Variants in CABIN1 observed in about 807,000 individuals in gnomAD.
The protein encoded by CABIN1 is calcineurin-binding protein cabin-1.
A neutral mutation model predicts 227.7 loss-of-function variants in CABIN1; 133 were observed. The ratio of observed to expected loss-of-function variants is 0.58; its 90% CI spans 0.51 to 0.67. The LOEUF is 0.67. Ranked by LOEUF, CABIN1 falls within the 30% of genes least tolerant of loss-of-function variation. The pLI, the probability that CABIN1 is intolerant of heterozygous loss-of-function variation, is 0.00. For missense variants in CABIN1, 2,408 were observed against 2,852.5 expected, an observed-to-expected ratio of 0.84 and a Z score of 3.55; for synonymous variants, 1,086 against 1,155.1, an observed-to-expected ratio of 0.94 and a Z score of 1.21.
At position 24,119,707 on chromosome 22, in the gene CABIN1, C is replaced by T; in HGVS notation, c.4632+9C>T. The T allele has an allele frequency of 6.2e-7, 1 of 1,613,084 alleles. No individual in the cohort carries two copies. Among genetic ancestry groups the T allele is most frequent in the Non-Finnish European group, 8.5e-7 (1 of 1,179,370 alleles). ...ACAGCAAGACCCACCGGGTGAGTGGCTGCCGGGCCAAGGGGGCTTGGATCT... is the reference window on the plus strand; with the variant it reads ...ACAGCAAGACCCACCGGGTGAGTGGTTGCCGGGCCAAGGGGGCTTGGATCT... On this transcript the variant is annotated intron_variant, in intron 28 of 36. Coordinates refer to ENST00000263119, the MANE Select transcript of CABIN1 (RefSeq NM_012295.4).
chr22:24,136,347 C>CTG (rs1217582132), intron 29 of CABIN1, among the ~76,000 whole-genome samples: 34 of 113,190 alleles, frequency 3.0e-4, no homozygotes, highest in East Asian at 1.7e-3. Context: ...GCCATCCCTC[C>CTG]TTTTTTTTTT....
chr22:24,090,882 A>G (rs2051010748), intron 23 of CABIN1, among the ~76,000 whole-genome samples: 1 of 152,076 alleles, frequency 6.6e-6, no homozygotes, highest in Admixed American at 6.5e-5. Flanking sequence ...GCTTCTCTCT[A>G]GCTTCCAGCC....
intron 18 of CABIN1, among the ~76,000 whole-genome samples, chr22:24,073,855 A>G (rs2040256925): frequency 6.6e-6 from 1 of 152,138 alleles, no homozygotes; most frequent in Non-Finnish European, 1.5e-5. Context: ...TGTTTTGTAA[A>G]GCTGTTGCTC....
intron 34 of CABIN1, among the ~76,000 whole-genome samples, chr22:24,174,642 C>A (rs1215645605): frequency 6.6e-6 from 1 of 152,038 alleles, no homozygotes; most frequent in African/African-American, 2.4e-5. Context: ...CTCAGGGTCT[C>A]CCACGTGGTT....
intron 28 of CABIN1, among the ~76,000 whole-genome samples, chr22:24,121,198 A>G (rs1227495391): frequency 2.6e-5 from 4 of 152,252 alleles, no homozygotes; most frequent in Admixed American, 2.6e-4. Flanking sequence ...TTGAAGAACC[A>G]GAATGGACAG....
intron 9 of CABIN1, among the ~76,000 whole-genome samples, 184 bp downstream of exon 9, chr22:24,055,343 G>A (rs911360703): frequency 5.9e-5 from 9 of 152,248 alleles, no homozygotes; most frequent in East Asian, 3.8e-4. Context: ...GCCACTGCCC[G>A]TCAGGGCCAT....
At chr22:24,094,428 G>A (rs538683201) in intron 24 of CABIN1, among the ~76,000 whole-genome samples, 1 of 152,314 alleles carries the variant, frequency 6.6e-6, no homozygotes, top group South Asian at 2.1e-4. Context: ...AGGAGAGCAA[G>A]CACACATAGT....
At chr22:24,160,511 C>G (rs2046088952) in intron 29 of CABIN1, 2 of 152,348 alleles carry the variant, frequency 1.3e-5, no homozygotes, top group South Asian at 4.1e-4. Context: ...AGTGACCCAG[C>G]AGCCAGCAGT....
intron 27 of CABIN1, among the ~76,000 whole-genome samples, chr22:24,119,019 T>C (rs1308031925): frequency 6.6e-6 from 1 of 152,224 alleles, no homozygotes; most frequent in Non-Finnish European, 1.5e-5. Flanking sequence ...CACCTGCCCT[T>C]TGTGGGCTGC....
At chr22:24,142,587 AC>A (rs1230566683) in intron 29 of CABIN1, among the ~76,000 whole-genome samples, 3 of 152,078 alleles carry the variant, frequency 2.0e-5, no homozygotes, top group Non-Finnish European at 4.4e-5. Context: ...TAAGAGAGGT[AC>A]CTTCCCTGGT....
intron 24 of CABIN1, chr22:24,092,066 C>A: frequency 4.9e-6 from 3 of 614,884 alleles, no homozygotes; most frequent in Non-Finnish European, 8.5e-6. Flanking sequence ...TTGTTCTTAT[C>A]TCTCAGAAGA....
At chr22:24,036,684 A>G (rs1426754826) in intron 3 of CABIN1, among the ~76,000 whole-genome samples, 1 of 152,070 alleles carries the variant, frequency 6.6e-6, no homozygotes, top group Non-Finnish European at 1.5e-5. Context: ...TCTTCTTTCC[A>G]TCCATTCATC....
At position 24,108,543 on chromosome 22, in the gene CABIN1, C is replaced by T. The variant is rs529836285; in HGVS notation, c.4118-5023C>T. ...CTCCTCCACTCAGGGGTCTTATACACGTCCCAAGTCCTCATTTCTCATTGT... is the reference window on the plus strand; with the variant it reads ...CTCCTCCACTCAGGGGTCTTATACATGTCCCAAGTCCTCATTTCTCATTGT... On this transcript the variant is annotated intron_variant, in intron 26 of 36. Transcript: ENST00000263119. 7.9e-5 allele frequency among the ~76,000 whole-genome samples: 12 copies of T among 152,350 alleles called. No homozygotes were observed. In the South Asian group the frequency reaches 1.9e-3, roughly 24 times the overall value.
chr22:24,128,796 C>T (rs1356158799), intron 28 of CABIN1, among the ~76,000 whole-genome samples: 2 of 152,246 alleles, frequency 1.3e-5, no homozygotes, highest in Non-Finnish European at 2.9e-5. Context: ...TCCTGGCAGC[C>T]CTGTGGAGCC....
At chr22:24,036,036 G>A (rs1009049991) in intron 2 of CABIN1, 53 bp from the exon 3 acceptor site, 12 of 1,160,184 alleles carry the variant, frequency 1.0e-5, no homozygotes, top group Non-Finnish European at 1.3e-5. Flanking sequence ...TATTTGAAGA[G>A]ATGAGTGACA....
chr22:24,107,234 G>A (rs1448976061), intron 26 of CABIN1, among the ~76,000 whole-genome samples: 1 of 152,194 alleles, frequency 6.6e-6, no homozygotes, highest in African/African-American at 2.4e-5. Flanking sequence ...ACCCAAGACT[G>A]TGGTGAGCCC....
rs567264454 is a variant in CABIN1, at chr22:24,033,059, CA to C, written c.-74-2384del. Among the ~76,000 whole-genome samples, 124 of 152,308 alleles carry C rather than the reference CA, an allele frequency of 8.1e-4. 1 individual carries two copies. Among genetic ancestry groups the C allele is most frequent in the African/African-American group, 2.8e-3 (117 of 41,576 alleles). On this transcript the variant is annotated intron_variant, in intron 1 of 36. Transcript: ENST00000263119. ...CGCCACTGCACTCCAGCCTAGGCAA[CA>C]GGGAGAGACTCCGTCTCAAAGAAAC...
chr22:24,089,859 T>C (rs1423843749), intron 23 of CABIN1, among the ~76,000 whole-genome samples: 1 of 152,218 alleles, frequency 6.6e-6, no homozygotes, highest in East Asian at 1.9e-4. Context: ...CAGAGCGTTC[T>C]AGCTGTATGA....
intron 29 of CABIN1, among the ~76,000 whole-genome samples, chr22:24,157,291 A>G (rs1004911832): frequency 6.6e-6 from 1 of 152,176 alleles, no homozygotes; most frequent in Admixed American, 6.5e-5. Context: ...TCAGGGCATC[A>G]GGAAGATAGG....
Sources: gnomAD v4.1 joint callset for allele counts (sites outside exome capture counted in the v4.1 genomes callset) on GRCh38, gnomAD v4.1.1 for gene constraint, MANE v1.5 for transcripts, NCBI Gene and HGNC (gene_info 2026-07-23, HGNC 2026-07-21) for gene names.